Variants in ARL8B observed in about 807,000 individuals in gnomAD.
The protein encoded by ARL8B is ADP-ribosylation factor-like protein 8B.
Under a neutral mutation model 30.6 loss-of-function variants are expected in ARL8B, and 9 were observed. That is an observed-to-expected ratio of 0.29 (90% confidence interval 0.18 to 0.51). The LOEUF (loss-of-function observed/expected upper bound fraction) is 0.51, where lower values mean the gene tolerates loss of function less well. Among genes scored for constraint, ARL8B ranks in the 20% least tolerant of loss-of-function variants. The pLI is 0.97. For synonymous variants in ARL8B, 74 were observed against 76.0 expected, an observed-to-expected ratio of 0.97 and a Z score of 0.14; for missense variants, 130 against 227.2, an observed-to-expected ratio of 0.57 and a Z score of 2.75.
chr3:5,159,297 CA>C (rs56033027), intron 1 of ARL8B, among the ~76,000 whole-genome samples: 1,532 of 52,942 alleles, frequency 0.029, 8 homozygotes, highest in Non-Finnish European at 0.037. Context: ...GACTCTGTCT[CA>C]AAAAAAAAAA....
intron 1 of ARL8B, among the ~76,000 whole-genome samples, chr3:5,164,340 G>A (rs1028006532): frequency 5.9e-5 from 9 of 152,248 alleles, no homozygotes; most frequent in South Asian, 4.1e-4. Flanking sequence ...TGGCATGACT[G>A]ATTTGTCTTC....
At chr3:5,152,752 C>T (rs60416950) in intron 1 of ARL8B, among the ~76,000 whole-genome samples, 45,523 of 152,132 alleles carry the variant, frequency 0.3, 7,949 homozygotes, top group African/African-American at 0.5. Context: ...TCTGAAAGTG[C>T]TGGAATTACA....
At chr3:5,139,386 A>G (rs2054353234) in intron 1 of ARL8B, among the ~76,000 whole-genome samples, 1 of 152,172 alleles carries the variant, frequency 6.6e-6, no homozygotes, top group South Asian at 2.1e-4. Flanking sequence ...TTATCTTATG[A>G]TGTACCTGTG....
chr3:5,144,898 A>C (rs1055005516), intron 1 of ARL8B, among the ~76,000 whole-genome samples: 1 of 152,168 alleles, frequency 6.6e-6, no homozygotes, highest in South Asian at 2.1e-4. Context: ...AGATTTTTCC[A>C]AAAGTGTGTA....
At chr3:5,126,437 T>G (rs181459473) in intron 1 of ARL8B, among the ~76,000 whole-genome samples, 11 of 152,302 alleles carry the variant, frequency 7.2e-5, no homozygotes, top group Non-Finnish European at 1.2e-4. Flanking sequence ...CTGAAGCCAA[T>G]TTTCTTTTTG....
chr3:5,123,782 G>C (rs967939616), intron 1 of ARL8B, among the ~76,000 whole-genome samples: 7 of 152,226 alleles, frequency 4.6e-5, no homozygotes, highest in African/African-American at 1.7e-4. Context: ...TGGAGAAAAA[G>C]AGATTAGCAG....
At chr3:5,133,662 A>T (rs1213419344) in intron 1 of ARL8B, among the ~76,000 whole-genome samples, 1 of 152,192 alleles carries the variant, frequency 6.6e-6, no homozygotes, top group Non-Finnish European at 1.5e-5. Flanking sequence ...GTGGTGGCTC[A>T]TGCCAGTAAC....
chr3:5,165,209 CT>C (rs1463225473), intron 1 of ARL8B, among the ~76,000 whole-genome samples: 4 of 152,116 alleles, frequency 2.6e-5, no homozygotes, highest in African/African-American at 9.7e-5. Context: ...AAATTTCCCC[CT>C]AGACGAGTAT....
chr3:5,165,623 A>C (rs2054617194), intron 1 of ARL8B, among the ~76,000 whole-genome samples: 1 of 152,162 alleles, frequency 6.6e-6, no homozygotes, highest in Admixed American at 6.5e-5. Flanking sequence ...TTCTGTCTTC[A>C]CAAAGTGGCT....
At chr3:5,176,765 C>T (rs936302985) in intron 6 of ARL8B, among the ~76,000 whole-genome samples, 1 of 152,214 alleles carries the variant, frequency 6.6e-6, no homozygotes, top group African/African-American at 2.4e-5. Context: ...CTCTATGTGG[C>T]GGGGAAAACT....
intron 1 of ARL8B, among the ~76,000 whole-genome samples, chr3:5,159,099 T>C (rs896872436): frequency 1.3e-5 from 2 of 149,718 alleles, no homozygotes; most frequent in East Asian, 4.1e-4. Context: ...CATGCGGGCA[T>C]GCACCACCAC....
chr3:5,149,311 A>G (rs747808682), intron 1 of ARL8B, among the ~76,000 whole-genome samples: 6 of 152,254 alleles, frequency 3.9e-5, no homozygotes, highest in Non-Finnish European at 8.8e-5. Flanking sequence ...ATACCCAGAC[A>G]GAGCAGGCCA....
intron 1 of ARL8B, among the ~76,000 whole-genome samples, chr3:5,125,541 T>TG: frequency 6.6e-6 from 1 of 151,688 alleles, no homozygotes; most frequent in African/African-American, 2.4e-5. Flanking sequence ...ATTATCTTTT[T>TG]TTTTTTTTTG....
At chr3:5,128,428 T>C in intron 1 of ARL8B, 1 of 453,786 alleles carries the variant, frequency 2.2e-6, no homozygotes, top group South Asian at 1.6e-5. Flanking sequence ...CTACCCTTCA[T>C]CCCCGCTCCA....
At chr3:5,148,713 C>T (rs1344337660) in intron 1 of ARL8B, among the ~76,000 whole-genome samples, 4 of 152,128 alleles carry the variant, frequency 2.6e-5, no homozygotes, top group Admixed American at 2.6e-4. Context: ...CACACCCAAT[C>T]CTCATCTGAG....
intron 1 of ARL8B, among the ~76,000 whole-genome samples, chr3:5,124,777 A>C (rs1276094202): frequency 1.3e-5 from 2 of 152,226 alleles, no homozygotes; most frequent in East Asian, 3.8e-4. Context: ...CTTTTATATA[A>C]TATGGAAAAG....
At chr3:5,131,567 T>C (rs1017122116) in intron 1 of ARL8B, among the ~76,000 whole-genome samples, 5 of 151,974 alleles carry the variant, frequency 3.3e-5, no homozygotes, top group Admixed American at 2.6e-4. Flanking sequence ...ATTTTTGTAT[T>C]TTTAGTAGAG....
intron 1 of ARL8B, among the ~76,000 whole-genome samples, chr3:5,131,695 C>T (rs567909742): frequency 2.0e-5 from 3 of 152,152 alleles, no homozygotes; most frequent in South Asian, 2.1e-4. Context: ...CCAGCCTACC[C>T]GTTTCTTAAA....
intron 1 of ARL8B, among the ~76,000 whole-genome samples, chr3:5,139,857 A>G (rs772750623): frequency 2.6e-5 from 4 of 152,208 alleles, no homozygotes; most frequent in Non-Finnish European, 5.9e-5. Context: ...CCTGCAGGGT[A>G]TCCTGTCTGA....
Sources: gnomAD v4.1 joint callset for allele counts (sites outside exome capture counted in the v4.1 genomes callset) on GRCh38, gnomAD v4.1.1 for gene constraint, MANE v1.5 for transcripts, NCBI Gene and HGNC (gene_info 2026-07-23, HGNC 2026-07-21) for gene names.